The following RASAL2 variants were observed in gnomAD, a reference collection of about 807,000 sequenced individuals.
RASAL2 encodes the protein RAS protein activator like 2, also known as ras GTPase-activating protein nGAP.
Under a neutral mutation model 128.9 loss-of-function variants are expected in RASAL2, and 58 were observed. The observed-to-expected ratio is 0.45, with a 90% CI of 0.36 to 0.56. The LOEUF is 0.56. Among genes scored for constraint, RASAL2 ranks in the 20% least tolerant of loss-of-function variants. RASAL2 has a pLI of 0.00. For synonymous variants in RASAL2, 561 were observed against 580.8 expected (o/e 0.97, Z 0.49); for missense variants, 1,360 against 1,601.6 (o/e 0.85, Z 2.57).
intron 1 of RASAL2, among the ~76,000 whole-genome samples, chr1:178,119,114 C>T (rs1659622728): frequency 6.6e-6 from 1 of 152,148 alleles, no homozygotes; most frequent in South Asian, 2.1e-4. Flanking sequence ...GTGATCCACC[C>T]ACCTTGGCCT....
intron 1 of RASAL2, chr1:178,122,965 A>T (rs1659771646): frequency 1.3e-5 from 2 of 152,146 alleles, no homozygotes; most frequent in African/African-American, 4.8e-5. Flanking sequence ...TAGTCTAGGG[A>T]TAGAAAAGGA....
intron 1 of RASAL2, among the ~76,000 whole-genome samples, chr1:178,127,343 AT>A (rs1423683022): frequency 5.3e-5 from 8 of 152,288 alleles, no homozygotes; most frequent in South Asian, 4.1e-4. Flanking sequence ...AGGAAAAAAA[AT>A]ATTTTCTATT....
chr1:178,267,407 A>G (rs1278644808), intron 1 of RASAL2, among the ~76,000 whole-genome samples: 2 of 151,640 alleles, frequency 1.3e-5, no homozygotes, highest in Non-Finnish European at 2.9e-5. Context: ...GTTTGTTTTT[A>G]TCAGTATTCA....
intron 3 of RASAL2, among the ~76,000 whole-genome samples, chr1:178,303,266 A>G (rs1419117963): frequency 6.6e-6 from 1 of 152,172 alleles, no homozygotes; most frequent in Non-Finnish European, 1.5e-5. Flanking sequence ...CACAATATCA[A>G]TTCCAAGATC....
intron 14 of RASAL2, among the ~76,000 whole-genome samples, chr1:178,461,945 G>T (rs1350559213): frequency 1.3e-5 from 2 of 152,202 alleles, no homozygotes; most frequent in Non-Finnish European, 2.9e-5. Context: ...GCTGCATCAG[G>T]CTCTTTTGCC....
chr1:178,103,777 AC>A, intron 1 of RASAL2, among the ~76,000 whole-genome samples: 1 of 152,060 alleles, frequency 6.6e-6, no homozygotes, highest in South Asian at 2.1e-4. Flanking sequence ...TAAGTAAAGA[AC>A]CCTTTATCTG....
chr1:178,421,905 AG>A (rs1675166172), intron 5 of RASAL2, among the ~76,000 whole-genome samples: 1 of 152,054 alleles, frequency 6.6e-6, no homozygotes, highest in Non-Finnish European at 1.5e-5. Context: ...TCATAAAAAA[AG>A]ATTTTTAAAA....
intron 1 of RASAL2, among the ~76,000 whole-genome samples, chr1:178,103,601 G>A (rs1029714473): frequency 1.3e-5 from 2 of 151,964 alleles, no homozygotes; most frequent in African/African-American, 4.8e-5. Context: ...TTTACATTAA[G>A]TGTGATTGAA....
intron 10 of RASAL2, among the ~76,000 whole-genome samples, 187 bp downstream of exon 10, chr1:178,451,902 G>A (rs1044729913): frequency 6.6e-6 from 1 of 152,096 alleles, no homozygotes; most frequent in African/African-American, 2.4e-5. Context: ...TCTATTGTAA[G>A]CAGAAGTACT....
chr1:178,114,062 G>T (rs1252696939), intron 1 of RASAL2, among the ~76,000 whole-genome samples: 2 of 150,254 alleles, frequency 1.3e-5, no homozygotes, highest in Non-Finnish European at 3.0e-5. Context: ...TATTTCTAGT[G>T]TTTTTTTTTG....
rs1338961285 is a variant in RASAL2, at chr1:178,477,598, C to T, written c.*4359C>T. On this transcript the variant is annotated 3_prime_UTR_variant, in exon 18 of 18. Transcript: ENST00000367649. Reference sequence around the variant, plus strand: ...TTCCAGGAAACAGGAATATTTATATCCCTTGCCCACTCTTAAAATACATAG... The same window carrying T: ...TTCCAGGAAACAGGAATATTTATATTCCTTGCCCACTCTTAAAATACATAG... 2 of 152,138 alleles carry T rather than the reference C, an allele frequency of 1.3e-5. No individual in the cohort carries two copies. The highest frequency in any genetic ancestry group is 2.4e-5 in the African/African-American group (1 of 41,432). The allele number at this position is 152,138 out of a possible 1,614,324, so 9.4% of individuals were successfully genotyped here.
rs1233095772 is a variant in RASAL2 at position 178,361,619 on chromosome 1, ACTATTCC to A, written c.458-28477_458-28471del. Among the ~76,000 whole-genome samples, 5 of 152,056 alleles carry A rather than the reference ACTATTCC, an allele frequency of 3.3e-5. No individual in the cohort carries two copies. In the East Asian group the frequency reaches 9.7e-4, roughly 29 times the overall value. ...ACATGTACAGACTTTTGTTCTCATC[ACTATTCC>A]CTAAACTAGTGCTCCCCAGCCTTTT... On this transcript the variant is annotated intron_variant, in intron 3 of 17. Coordinates refer to ENST00000367649, the MANE Select transcript of RASAL2 (RefSeq NM_170692.4).
intron 5 of RASAL2, among the ~76,000 whole-genome samples, chr1:178,425,915 G>A (rs1161122961): frequency 6.6e-6 from 1 of 152,132 alleles, no homozygotes; most frequent in East Asian, 1.9e-4. Context: ...AAGAGAGAGG[G>A]ATGGACATTG....
intron 1 of RASAL2, among the ~76,000 whole-genome samples, chr1:178,105,745 C>CT (rs1659064691): frequency 2.7e-5 from 4 of 150,108 alleles, no homozygotes; most frequent in Admixed American, 1.3e-4. Context: ...TGCTGTGGCT[C>CT]TATCTTGGCT....
At chr1:178,386,321 AT>A (rs1458230409) in intron 3 of RASAL2, among the ~76,000 whole-genome samples, 3 of 152,346 alleles carry the variant, frequency 2.0e-5, no homozygotes, top group Admixed American at 6.5e-5. Context: ...ATATAAACTC[AT>A]TAATCTTGTC....
intron 1 of RASAL2, among the ~76,000 whole-genome samples, chr1:178,237,802 A>C (rs762234607): frequency 5.3e-5 from 8 of 152,142 alleles, no homozygotes; most frequent in Non-Finnish European, 7.3e-5. Context: ...ATTGTTGTTC[A>C]ACCATCACCA....
intron 7 of RASAL2, 134 bp downstream of exon 7, chr1:178,441,781 T>C: frequency 1.6e-6 from 1 of 620,830 alleles, no homozygotes; most frequent in South Asian, 2.0e-5. Context: ...GTTATGCCAT[T>C]TGTAGTAAGC....
At chr1:178,168,242 G>T (rs1661582688) in intron 1 of RASAL2, among the ~76,000 whole-genome samples, 1 of 148,292 alleles carries the variant, frequency 6.7e-6, no homozygotes, top group Non-Finnish European at 1.5e-5. Flanking sequence ...AAATAACTAA[G>T]ATTTAGTCTT....
At chr1:178,155,889 C>T (rs1661068862) in intron 1 of RASAL2, among the ~76,000 whole-genome samples, 1 of 152,148 alleles carries the variant, frequency 6.6e-6, no homozygotes, top group Non-Finnish European at 1.5e-5. Flanking sequence ...CCATCTCCTT[C>T]CCAATAATTA....
Sources: gnomAD v4.1 joint callset for allele counts (sites outside exome capture counted in the v4.1 genomes callset) on GRCh38, gnomAD v4.1.1 for gene constraint, MANE v1.5 for transcripts, NCBI Gene and HGNC (gene_info 2026-07-23, HGNC 2026-07-21) for gene names.